SOX5: variants seen among roughly 807,000 people sequenced by gnomAD.
The protein encoded by SOX5 is SRY-box transcription factor 5, also known as transcription factor SOX-5.
Under a neutral mutation model 92.0 loss-of-function variants are expected in SOX5, and 9 were observed. That is an observed-to-expected ratio of 0.10 (90% CI 0.06 to 0.17). The LOEUF is 0.17. Among genes scored for constraint, SOX5 ranks in the 10% least tolerant of loss-of-function variants. SOX5 has a pLI of 1.00. For missense variants in SOX5, 642 were observed against 944.5 expected (o/e 0.68, Z 4.20); for synonymous variants, 344 against 336.3 (o/e 1.02, Z -0.25).
intron 3 of SOX5, among the ~76,000 whole-genome samples, chr12:23,809,759 T>C (rs1396235394): frequency 4.0e-5 from 4 of 99,750 alleles, no homozygotes; most frequent in Non-Finnish European, 8.1e-5. Flanking sequence ...CAAATGAAAG[T>C]CTTTTTTTTT....
intron 4 of SOX5, among the ~76,000 whole-genome samples, chr12:24,062,796 T>A (rs1286979857): frequency 6.6e-6 from 1 of 152,248 alleles, no homozygotes; most frequent in Admixed American, 6.5e-5. Context: ...GATGGGATGC[T>A]GCCAATCTTT....
intron 4 of SOX5, among the ~76,000 whole-genome samples, chr12:24,197,008 T>C (rs1957070917): frequency 6.6e-6 from 1 of 152,218 alleles, no homozygotes; most frequent in African/African-American, 2.4e-5. Flanking sequence ...TTCCTGCAGA[T>C]AACATTCTGA....
At position 23,674,336 on chromosome 12, in the gene SOX5, A is replaced by ATTTTT. The variant is rs34975795; in HGVS notation, c.811-8777_811-8773dup. ...AAATATTTTCTTACCATAAAAAGGA[A>ATTTTT]TTTTTTTTTTTTTTTTTTGAGACGG... On this transcript the variant is annotated intron_variant, in intron 6 of 14. Transcript: ENST00000451604. Among the ~76,000 whole-genome samples the ATTTTT allele has an allele frequency of 3.5e-4, 34 of 97,380 alleles. 5 individuals are homozygous for ATTTTT. Among genetic ancestry groups the ATTTTT allele is most frequent in the African/African-American group, 1.4e-3 (32 of 23,634 alleles). The allele number at this position is 97,380 out of a possible 152,430, so 63.9% of individuals were successfully genotyped here.
intron 2 of SOX5, among the ~76,000 whole-genome samples, chr12:23,877,202 A>G (rs1389089013): frequency 6.6e-6 from 1 of 152,180 alleles, no homozygotes; most frequent in Non-Finnish European, 1.5e-5. Context: ...TCAAAGTGTT[A>G]AAGGACTTAT....
chr12:24,059,991 G>A (rs1001175668), intron 4 of SOX5, among the ~76,000 whole-genome samples: 1 of 152,194 alleles, frequency 6.6e-6, no homozygotes, highest in Non-Finnish European at 1.5e-5. Flanking sequence ...TGTCTATGCT[G>A]AGCAGTGAAA....
chr12:24,226,708 T>C (rs914455185), intron 3 of SOX5, among the ~76,000 whole-genome samples: 1 of 152,072 alleles, frequency 6.6e-6, no homozygotes, highest in African/African-American at 2.4e-5. Flanking sequence ...TGACCTCAGG[T>C]GATCCACCCG....
chr12:23,902,604 C>T (rs1385439549), intron 1 of SOX5, among the ~76,000 whole-genome samples: 1 of 152,048 alleles, frequency 6.6e-6, no homozygotes, highest in Non-Finnish European at 1.5e-5. Context: ...TTAGTATATA[C>T]AGTATCTGAA....
chr12:23,612,505 T>A (rs188486078), intron 8 of SOX5, among the ~76,000 whole-genome samples: 2 of 152,146 alleles, frequency 1.3e-5, no homozygotes, highest in African/African-American at 4.8e-5. Flanking sequence ...AAGAACATTA[T>A]AGAGCTAAAA....
At chr12:24,450,513 G>T (rs368372717) in intron 1 of SOX5, among the ~76,000 whole-genome samples, 2 of 109,470 alleles carry the variant, frequency 1.8e-5, no homozygotes, top group South Asian at 3.1e-4. Flanking sequence ...TTTATTTATT[G>T]AGACAGAGTC....
chr12:24,466,298 T>C (rs1944230885), intron 1 of SOX5, among the ~76,000 whole-genome samples: 1 of 151,798 alleles, frequency 6.6e-6, no homozygotes, highest in South Asian at 2.1e-4. Flanking sequence ...GCTGCTGGAG[T>C]GCAGTGGCAC....
chr12:23,760,485 G>A (rs764393126), intron 3 of SOX5, among the ~76,000 whole-genome samples: 10 of 152,026 alleles, frequency 6.6e-5, no homozygotes, highest in African/African-American at 1.2e-4. Flanking sequence ...TAATTGGCTC[G>A]CTATTGTTTC....
chr12:24,277,542 T>C (rs1031352684), intron 2 of SOX5, among the ~76,000 whole-genome samples: 2 of 59,894 alleles, frequency 3.3e-5, no homozygotes, highest in African/African-American at 8.9e-5. Flanking sequence ...AATTTATATG[T>C]ATATAAATTT....
At chr12:24,075,648 A>AT (rs965159164) in intron 4 of SOX5, among the ~76,000 whole-genome samples, 26 of 150,620 alleles carry the variant, frequency 1.7e-4, no homozygotes, top group South Asian at 4.2e-4. Flanking sequence ...TGTTTGAACC[A>AT]TTTTTTTTTT....
At chr12:24,069,301 C>T (rs1180313661) in intron 4 of SOX5, among the ~76,000 whole-genome samples, 1 of 152,156 alleles carries the variant, frequency 6.6e-6, no homozygotes, top group Non-Finnish European at 1.5e-5. Context: ...TTTCTCCACA[C>T]CTCAAGTTCA....
At chr12:24,072,035 C>T (rs1941860495) in intron 4 of SOX5, among the ~76,000 whole-genome samples, 1 of 152,174 alleles carries the variant, frequency 6.6e-6, no homozygotes, top group African/African-American at 2.4e-5. Context: ...GAAACTTGGA[C>T]TGGAATTCAG....
chr12:24,432,025 G>A (rs1258486094), intron 1 of SOX5, among the ~76,000 whole-genome samples: 2 of 152,110 alleles, frequency 1.3e-5, no homozygotes, highest in Non-Finnish European at 2.9e-5. Context: ...TTTGGCTTAG[G>A]GTTTCCTCGC....
intron 4 of SOX5, among the ~76,000 whole-genome samples, chr12:24,138,785 C>T (rs1188076914): frequency 6.6e-6 from 1 of 152,176 alleles, no homozygotes; most frequent in Non-Finnish European, 1.5e-5. Context: ...AAATTTCTCT[C>T]ATCAATTTCA....
At chr12:23,654,381 T>C (rs1468243111) in intron 7 of SOX5, among the ~76,000 whole-genome samples, 2 of 152,152 alleles carry the variant, frequency 1.3e-5, no homozygotes, top group South Asian at 2.1e-4. Flanking sequence ...CTTAAAATGA[T>C]TTCTGTTCAT....
At chr12:24,530,752 A>C (rs531210116) in intron 1 of SOX5, among the ~76,000 whole-genome samples, 3 of 152,224 alleles carry the variant, frequency 2.0e-5, no homozygotes, top group African/African-American at 7.2e-5. Flanking sequence ...CAAAAAAAAA[A>C]AAAAAAGATT....
Sources: allele counts gnomAD v4.1 joint callset (sites outside exome capture counted in the v4.1 genomes callset), GRCh38; gene constraint gnomAD v4.1.1; transcripts MANE v1.5; gene names NCBI Gene and HGNC (gene_info 2026-07-23, HGNC 2026-07-21).